The following SH3RF2 variants were observed in gnomAD, a reference collection of about 807,000 sequenced individuals.
The protein encoded by SH3RF2 is SH3 domain containing ring finger 2, also known as E3 ubiquitin-protein ligase SH3RF2.
A neutral mutation model predicts 59.0 loss-of-function variants in SH3RF2; 43 were observed. The ratio of observed to expected loss-of-function variants is 0.73; its 90% CI spans 0.57 to 0.94. SH3RF2 has a LOEUF of 0.94. Ranked by LOEUF, SH3RF2 falls within the 40% of genes least tolerant of loss-of-function variation. SH3RF2 has a pLI of 0.00. For synonymous variants in SH3RF2, 391 were observed against 391.5 expected (o/e 1.00, Z 0.01); for missense variants, 930 against 940.1 (o/e 0.99, Z 0.14).
At chr5:145,960,797 T>A (rs957848955) in intron 2 of SH3RF2, among the ~76,000 whole-genome samples, 6 of 152,174 alleles carry the variant, frequency 3.9e-5, no homozygotes, top group Non-Finnish European at 5.9e-5. Context: ...CTAGGAAGAA[T>A]ATTAACAGGA....
At chr5:145,992,695 T>C (rs1218474460) in intron 2 of SH3RF2, among the ~76,000 whole-genome samples, 1 of 149,082 alleles carries the variant, frequency 6.7e-6, no homozygotes, top group Non-Finnish European at 1.5e-5. Flanking sequence ...TCAGATCTCA[T>C]GAGACTTATT....
At chr5:145,978,774 A>G (rs1009985000) in intron 2 of SH3RF2, among the ~76,000 whole-genome samples, 7 of 152,172 alleles carry the variant, frequency 4.6e-5, no homozygotes, top group Admixed American at 2.0e-4. Context: ...TCCTACATCA[A>G]TACGAGAGAA....
intron 2 of SH3RF2, among the ~76,000 whole-genome samples, chr5:145,979,583 C>G (rs772604847): frequency 3.3e-5 from 5 of 152,128 alleles, no homozygotes; most frequent in Non-Finnish European, 7.3e-5. Context: ...GCAGAAATAC[C>G]CCATCATGGC....
In SH3RF2 at chr5:146,055,965, A is replaced by T. The variant is rs1344857734; in HGVS notation, c.1323-16A>T. On this transcript the variant is annotated splice_polypyrimidine_tract_variant and intron_variant, in intron 7 of 9. Coordinates refer to ENST00000359120, the MANE Select transcript of SH3RF2 (RefSeq NM_152550.4). ...TCTCTATTTCTTCTCTTAAAAAAAA[A>T]ATTTTCCAAAACCAGAAAGACCTCT... is the stretch of plus-strand genomic sequence containing the variant. 1 of 1,597,568 alleles carries T rather than the reference A, an allele frequency of 6.3e-7. No homozygotes were observed. The highest frequency in any genetic ancestry group is 8.5e-7 in the Non-Finnish European group (1 of 1,174,538).
intron 2 of SH3RF2, among the ~76,000 whole-genome samples, chr5:145,989,061 T>G (rs879733661): frequency 2.6e-5 from 4 of 152,204 alleles, no homozygotes; most frequent in Non-Finnish European, 5.9e-5. Context: ...CAGGGAAAGT[T>G]ACATTTCCCT....
intron 5 of SH3RF2, among the ~76,000 whole-genome samples, chr5:146,021,841 G>A (rs1282409507): frequency 6.6e-6 from 1 of 152,090 alleles, no homozygotes; most frequent in African/African-American, 2.4e-5. Context: ...TGGGATGTAG[G>A]ACCAATCAAT....
intron 2 of SH3RF2, among the ~76,000 whole-genome samples, chr5:145,973,116 G>T (rs768570368): frequency 6.6e-6 from 1 of 152,156 alleles, no homozygotes; most frequent in Non-Finnish European, 1.5e-5. Context: ...CCTCAACTGG[G>T]ACTTTAAATG....
At chr5:145,960,040 T>C (rs907307419) in intron 2 of SH3RF2, among the ~76,000 whole-genome samples, 4 of 152,152 alleles carry the variant, frequency 2.6e-5, no homozygotes, top group African/African-American at 9.7e-5. Flanking sequence ...TGTATGCATG[T>C]ATGTATGTAT....
At chr5:145,967,526 T>C (rs1037932127) in intron 2 of SH3RF2, among the ~76,000 whole-genome samples, 40 of 152,330 alleles carry the variant, frequency 2.6e-4, no homozygotes, top group African/African-American at 9.4e-4. Context: ...ATTACAAAGA[T>C]TAGAATGTGA....
intron 5 of SH3RF2, 66 bp downstream of exon 5, chr5:146,014,127 A>G: frequency 6.4e-7 from 1 of 1,552,168 alleles, no homozygotes; most frequent in Non-Finnish European, 8.8e-7. Context: ...CCATGTCACA[A>G]CCAATATTTG....
chr5:146,048,335 C>T (rs1159141437), intron 6 of SH3RF2, among the ~76,000 whole-genome samples: 1 of 150,556 alleles, frequency 6.6e-6, no homozygotes, highest in Non-Finnish European at 1.5e-5. Flanking sequence ...AAAGACAACA[C>T]AAATTAGCAA....
At chr5:145,989,003 G>A (rs1759827897) in intron 2 of SH3RF2, among the ~76,000 whole-genome samples, 1 of 152,108 alleles carries the variant, frequency 6.6e-6, no homozygotes, top group South Asian at 2.1e-4. Flanking sequence ...ACAAAGTTAG[G>A]GTACAGTACA....
intron 7 of SH3RF2, 52 bp from the exon 8 acceptor site, chr5:146,055,929 A>C (rs1762647807): frequency 6.3e-7 from 1 of 1,582,974 alleles, no homozygotes. Context: ...CTCTTGACTG[A>C]ACATTTTCTT....
chr5:145,971,803 G>A (rs1759092256), intron 2 of SH3RF2, among the ~76,000 whole-genome samples: 1 of 152,184 alleles, frequency 6.6e-6, no homozygotes, highest in Non-Finnish European at 1.5e-5. Context: ...GAATAACTAA[G>A]ATGAAGCCCC....
At chr5:146,056,254 TG>T (rs1561767442) in intron 8 of SH3RF2, 41 bp downstream of exon 8, 1 of 1,613,326 alleles carries the variant, frequency 6.2e-7, no homozygotes, top group Non-Finnish European at 8.5e-7. Context: ...AGCTAAGTGA[TG>T]GGGGGAATCT....
intron 2 of SH3RF2, among the ~76,000 whole-genome samples, chr5:145,964,880 A>G (rs188686025): frequency 6.6e-6 from 1 of 152,280 alleles, no homozygotes; most frequent in East Asian, 1.9e-4. Context: ...TATTTCTGAC[A>G]AGGCTGTTCA....
intron 9 of SH3RF2, among the ~76,000 whole-genome samples, chr5:146,072,988 T>C (rs34848484): frequency 1.3e-5 from 2 of 152,152 alleles, no homozygotes; most frequent in African/African-American, 4.8e-5. Flanking sequence ...GAAAATACTT[T>C]AATGTTTGCT....
intron 2 of SH3RF2, among the ~76,000 whole-genome samples, chr5:145,999,372 TCACTGCAGTAG>T (rs1760301204): frequency 1.3e-5 from 2 of 152,366 alleles, no homozygotes; most frequent in East Asian, 1.9e-4. Flanking sequence ...ATTTATGTAT[TCACTGCAGTAG>T]CACTTCTGAT....
downstream of SH3RF2, among the ~76,000 whole-genome samples, chr5:146,064,774 G>GGAAGGAAGGAAAGAAA (rs1561773656): frequency 1.7e-4 from 6 of 34,498 alleles, no homozygotes; most frequent in African/African-American, 7.3e-4. Context: ...AAGGAAGGAA[G>GGAAGGAAGGAAAGAAA]GAAAGGAAGG....
Sources: allele counts gnomAD v4.1 joint callset (sites outside exome capture counted in the v4.1 genomes callset), GRCh38; gene constraint gnomAD v4.1.1; transcripts MANE v1.5; gene names NCBI Gene and HGNC (gene_info 2026-07-23, HGNC 2026-07-21).